Variants in RGSL1 observed in about 807,000 individuals in gnomAD.
RGSL1 encodes regulator of G protein signaling like 1.
In RGSL1, 97 loss-of-function variants were observed where a neutral mutation model predicts 124.7. The observed-to-expected ratio is 0.78, with a 90% CI of 0.66 to 0.92. The LOEUF is 0.92. RGSL1 is among the 40% of genes least tolerant of loss of function. The probability of loss-of-function intolerance (pLI) is 0.00; values close to 1 mark genes in which losing one functional copy is unlikely to be tolerated. For missense variants in RGSL1, 1,233 were observed against 1,288.4 expected, an observed-to-expected ratio of 0.96 and a Z score of 0.66; for synonymous variants, 424 against 438.1, an observed-to-expected ratio of 0.97 and a Z score of 0.40.
rs989181191 is a variant in RGSL1 at position 182,454,047 on chromosome 1, A to G, written c.96+7A>G. On this transcript the variant is annotated splice_region_variant and intron_variant, in intron 2 of 21. Coordinates refer to ENST00000294854, the MANE Select transcript of RGSL1 (RefSeq NM_001137669.2). ...CACATTTCTTTCCCTCCCGGTAAGC[A>G]TTCTCAGATTTAAATACAAATATTT... 18 of 1,463,852 alleles carry G rather than the reference A, an allele frequency of 1.2e-5. No individual in the cohort carries two copies. In the Admixed American group the frequency reaches 3.1e-4, roughly 26 times the overall value. The allele number at this position is 1,463,852 out of a possible 1,614,324, so 90.7% of individuals were successfully genotyped here.
intron 15 of RGSL1, 110 bp downstream of exon 15, chr1:182,540,531 C>A: frequency 2.4e-6 from 2 of 841,506 alleles, no homozygotes; most frequent in Non-Finnish European, 1.7e-6. Context: ...TCAGACCTGT[C>A]CAGTAAGAGT....
intron 15 of RGSL1, among the ~76,000 whole-genome samples, chr1:182,545,548 TCAG>T (rs1278371254): frequency 6.6e-6 from 1 of 152,212 alleles, no homozygotes; most frequent in African/African-American, 2.4e-5. Context: ...TCATTTTCTT[TCAG>T]AATAAAGAAC....
chr1:182,528,268 TG>T (rs1658906694), intron 11 of RGSL1, among the ~76,000 whole-genome samples: 1 of 152,056 alleles, frequency 6.6e-6, no homozygotes. Context: ...CCGTGACACA[TG>T]GGGATTATTA....
chr1:182,514,123 C>A (rs577236897), intron 9 of RGSL1, among the ~76,000 whole-genome samples: 15 of 152,120 alleles, frequency 9.9e-5, no homozygotes, highest in Non-Finnish European at 2.2e-4. Flanking sequence ...GAACTCCTGA[C>A]CTAAGGTGAT....
chr1:182,556,638 A>AT (rs1321797051), intron 21 of RGSL1, among the ~76,000 whole-genome samples: 3 of 152,128 alleles, frequency 2.0e-5, no homozygotes, highest in South Asian at 2.1e-4. Flanking sequence ...ACCATTTCTG[A>AT]TTTTTTGTCC....
chr1:182,530,623 G>A (rs1253791729), intron 12 of RGSL1, among the ~76,000 whole-genome samples, 167 bp from the exon 13 acceptor site: 2 of 151,884 alleles, frequency 1.3e-5, no homozygotes, highest in African/African-American at 4.8e-5. Context: ...AGGTTAGGTT[G>A]ACATTAACAA....
intron 9 of RGSL1, among the ~76,000 whole-genome samples, chr1:182,503,977 T>TC (rs1558324938): frequency 8.2e-6 from 1 of 121,548 alleles, no homozygotes; most frequent in Admixed American, 8.9e-5. Context: ...GTAATTTCTT[T>TC]TTTTTTTTTT....
intron 10 of RGSL1, among the ~76,000 whole-genome samples, chr1:182,523,227 G>A (rs1658489513): frequency 6.8e-6 from 1 of 146,444 alleles, no homozygotes; most frequent in African/African-American, 2.5e-5. Context: ...TTTTTCTAGA[G>A]ACTGGGTCTT....
chr1:182,500,598 A>C (rs908478853), intron 9 of RGSL1, among the ~76,000 whole-genome samples: 24 of 152,186 alleles, frequency 1.6e-4, no homozygotes, highest in African/African-American at 5.8e-4. Context: ...CATTTTGGGT[A>C]GCATCGCCAT....
chr1:182,500,688 T>A (rs975976246), intron 9 of RGSL1, among the ~76,000 whole-genome samples: 7 of 152,218 alleles, frequency 4.6e-5, no homozygotes, highest in Non-Finnish European at 8.8e-5. Flanking sequence ...ACTTTGTAAT[T>A]TTTAGTTTAC....
At chr1:182,534,273 G>A (rs559777749) in intron 14 of RGSL1, among the ~76,000 whole-genome samples, 42 of 152,154 alleles carry the variant, frequency 2.8e-4, no homozygotes, top group African/African-American at 9.9e-4. Context: ...CTGGTTCCTC[G>A]CATTCTCATC....
chr1:182,514,552 T>C (rs1348534097), intron 9 of RGSL1, among the ~76,000 whole-genome samples: 1 of 152,168 alleles, frequency 6.6e-6, no homozygotes, highest in African/African-American at 2.4e-5. Flanking sequence ...AAAACCTCTA[T>C]ATATCTGTCG....
intron 8 of RGSL1, among the ~76,000 whole-genome samples, chr1:182,491,321 T>C (rs959069577): frequency 2.0e-5 from 3 of 152,074 alleles, no homozygotes; most frequent in Admixed American, 6.6e-5. Context: ...GTTCATGCAA[T>C]TCTCCTGCCT....
At chr1:182,475,557 G>A (rs1019559525) in intron 6 of RGSL1, among the ~76,000 whole-genome samples, 2 of 152,182 alleles carry the variant, frequency 1.3e-5, no homozygotes, top group Non-Finnish European at 2.9e-5. Context: ...AGAACCAGGA[G>A]AGAAAGAGCT....
At chr1:182,543,544 T>TGAC (rs1292569229) in intron 15 of RGSL1, among the ~76,000 whole-genome samples, 5 of 152,032 alleles carry the variant, frequency 3.3e-5, no homozygotes, top group Non-Finnish European at 1.5e-5. Context: ...GTTTTGGTAT[T>TGAC]GGGTCAATGT....
rs1391180595 is a variant in RGSL1, at chr1:182,472,383, G to T, written c.302-13G>T. On this transcript the variant is annotated splice_polypyrimidine_tract_variant and intron_variant, in intron 4 of 21. Transcript: ENST00000294854. The stretch of plus-strand genomic sequence containing the variant: ...TAGGGTATAGCTCTGTGCCTCTTCT[G>T]TCTCACCCGTAGGTGAAGAATTGGT... 6.5e-7 allele frequency: 1 copy of T among 1,544,750 alleles called. No individual in the cohort carries two copies. The highest frequency in any genetic ancestry group is 1.7e-4 in the Middle Eastern group (1 of 5,942).
chr1:182,509,591 C>T (rs1657183958), intron 9 of RGSL1, among the ~76,000 whole-genome samples: 1 of 128,574 alleles, frequency 7.8e-6, no homozygotes, highest in Admixed American at 7.2e-5. Context: ...GGCTGAGGGG[C>T]TCCTCACTTC....
At chr1:182,543,284 G>C (rs182785757) in intron 15 of RGSL1, among the ~76,000 whole-genome samples, 9 of 152,100 alleles carry the variant, frequency 5.9e-5, no homozygotes, top group Admixed American at 2.6e-4. Context: ...TTTATTGAAT[G>C]CTTCATCATC....
At chr1:182,534,381 A>G (rs1356491904) in intron 14 of RGSL1, among the ~76,000 whole-genome samples, 2 of 152,148 alleles carry the variant, frequency 1.3e-5, no homozygotes, top group African/African-American at 4.8e-5. Flanking sequence ...GGAGTTGAGC[A>G]TCTTTATTTA....
Sources: allele counts gnomAD v4.1 joint callset (sites outside exome capture counted in the v4.1 genomes callset), GRCh38; gene constraint gnomAD v4.1.1; transcripts MANE v1.5; gene names NCBI Gene and HGNC (gene_info 2026-07-23, HGNC 2026-07-21).